GPHN: variants seen among roughly 807,000 people sequenced by gnomAD.
The protein encoded by GPHN is gephyrin.
Under a neutral mutation model 95.5 loss-of-function variants are expected in GPHN, and 17 were observed. The ratio of observed to expected loss-of-function variants is 0.18; its 90% confidence interval spans 0.12 to 0.27. The LOEUF is 0.27. GPHN is among the 10% of genes least tolerant of loss of function. The pLI is 1.00. For synonymous variants in GPHN, 320 were observed against 322.5 expected, an observed-to-expected ratio of 0.99 and a Z score of 0.08; for missense variants, 660 against 978.1, an observed-to-expected ratio of 0.67 and a Z score of 4.34.
chr14:66,895,365 C>A (rs974063529), intron 5 of GPHN, among the ~76,000 whole-genome samples: 1 of 152,036 alleles, frequency 6.6e-6, no homozygotes, highest in East Asian at 1.9e-4. Context: ...TTGTGGGATG[C>A]GGGGAGCGGG....
At chr14:67,694,475 TATACAC>T in the GPHN span, among the ~76,000 whole-genome samples, 6 of 131,010 alleles carry the variant, frequency 4.6e-5, no homozygotes, top group African/African-American at 1.7e-4. Context: ...CATATATATA[TATACAC>T]ACACACACAT....
At chr14:66,910,744 A>G (rs773420273) in intron 5 of GPHN, among the ~76,000 whole-genome samples, 7 of 152,040 alleles carry the variant, frequency 4.6e-5, no homozygotes, top group Non-Finnish European at 8.8e-5. Context: ...TTCTGAGTCA[A>G]TATTTATCCT....
intron 3 of GPHN, among the ~76,000 whole-genome samples, chr14:66,803,608 A>G (rs2060438453): frequency 6.6e-6 from 1 of 152,096 alleles, no homozygotes; most frequent in Non-Finnish European, 1.5e-5. Context: ...TTCCTATTCT[A>G]TCTTCTCTTT....
intron 12 of GPHN, among the ~76,000 whole-genome samples, chr14:67,093,327 TG>T (rs1195885661): frequency 6.6e-6 from 1 of 152,062 alleles, no homozygotes; most frequent in East Asian, 1.9e-4. Context: ...TCACATACAG[TG>T]GGTTAGAATA....
chr14:66,865,325 G>T (rs1322075440), intron 4 of GPHN, among the ~76,000 whole-genome samples: 1 of 152,068 alleles, frequency 6.6e-6, no homozygotes, highest in Non-Finnish European at 1.5e-5. Context: ...ATTATGCATT[G>T]CATGCCTTTA....
intron 8 of GPHN, among the ~76,000 whole-genome samples, chr14:66,924,670 T>G (rs1365868741): frequency 1.3e-5 from 2 of 152,206 alleles, no homozygotes; most frequent in African/African-American, 4.8e-5. Flanking sequence ...CTAGACAGAT[T>G]GGTCAAGCAA....
the GPHN span, among the ~76,000 whole-genome samples, chr14:67,697,480 A>G: frequency 2.0e-5 from 3 of 152,376 alleles, no homozygotes; most frequent in South Asian, 6.2e-4. Flanking sequence ...AGAAATGGCA[A>G]TAATAGCCAG....
chr14:66,934,158 G>T (rs969042319), intron 8 of GPHN, among the ~76,000 whole-genome samples: 8 of 129,720 alleles, frequency 6.2e-5, no homozygotes, highest in African/African-American at 2.6e-4. Context: ...AAAAAAAAAA[G>T]AGTTCACAGC....
At chr14:66,674,116 T>TG (rs61117015) in intron 1 of GPHN, among the ~76,000 whole-genome samples, 1 of 151,570 alleles carries the variant, frequency 6.6e-6, no homozygotes, top group Non-Finnish European at 1.5e-5. Context: ...TTTTTTTTTT[T>TG]GAGATGGAAT....
At chr14:66,607,117 T>C (rs2062571002) in intron 1 of GPHN, among the ~76,000 whole-genome samples, 1 of 152,070 alleles carries the variant, frequency 6.6e-6, no homozygotes, top group Non-Finnish European at 1.5e-5. Flanking sequence ...AATAAGGTTT[T>C]TCATTCTTAT....
intron 10 of GPHN, among the ~76,000 whole-genome samples, chr14:67,050,664 GA>G (rs566961483): frequency 8.0e-5 from 12 of 150,568 alleles, no homozygotes; most frequent in Non-Finnish European, 1.5e-4. Flanking sequence ...CAAACAACAA[GA>G]AAAAAAAACA....
intron 1 of GPHN, among the ~76,000 whole-genome samples, chr14:66,594,305 GA>G (rs59228683): frequency 0.3 from 45,404 of 149,974 alleles, 11,973 homozygotes; most frequent in African/African-American, 0.68. Context: ...CCCAGAAATA[GA>G]AAAAAAAAAT....
the GPHN span, among the ~76,000 whole-genome samples, chr14:67,215,730 C>A: frequency 6.6e-6 from 1 of 151,936 alleles, no homozygotes; most frequent in Non-Finnish European, 1.5e-5. Context: ...TAAATGAATC[C>A]ATCCAACTTA....
chr14:66,526,717 G>A (rs1040422093), intron 1 of GPHN, among the ~76,000 whole-genome samples: 1 of 152,136 alleles, frequency 6.6e-6, no homozygotes, highest in Admixed American at 6.5e-5. Flanking sequence ...GGCCTTTTCT[G>A]CATCTACTGA....
At chr14:67,495,385 C>T in the GPHN span, among the ~76,000 whole-genome samples, 4 of 152,128 alleles carry the variant, frequency 2.6e-5, no homozygotes, top group South Asian at 2.1e-4. Flanking sequence ...GGAGTGTATC[C>T]GTATATGTAG....
At chr14:67,351,505 CTTT>C in the GPHN span, among the ~76,000 whole-genome samples, 9 of 152,076 alleles carry the variant, frequency 5.9e-5, no homozygotes, top group Non-Finnish European at 1.2e-4. Context: ...ACATTTTTAA[CTTT>C]TTATTATTTT....
At chr14:66,732,564 T>C (rs574129647) in intron 2 of GPHN, among the ~76,000 whole-genome samples, 3 of 152,374 alleles carry the variant, frequency 2.0e-5, no homozygotes, top group Admixed American at 2.0e-4. Flanking sequence ...TCGCCCAGGC[T>C]GGAGTGCAAT....
intron 9 of GPHN, chr14:66,968,907 A>G (rs2069537575): frequency 6.8e-6 from 1 of 147,860 alleles, no homozygotes. Flanking sequence ...AGAAGCACTT[A>G]ACCAATATAT....
At chr14:67,225,400 T>C in the GPHN span, 2 of 541,824 alleles carry the variant, frequency 3.7e-6, no homozygotes, top group East Asian at 8.8e-5. Flanking sequence ...TGGAATGAAA[T>C]GTTAGGGGTT....
Sources: allele counts gnomAD v4.1 joint callset (sites outside exome capture counted in the v4.1 genomes callset), GRCh38; gene constraint gnomAD v4.1.1; transcripts MANE v1.5; gene names NCBI Gene and HGNC (gene_info 2026-07-23, HGNC 2026-07-21).